The following MYOF variants were observed in gnomAD, a reference collection of about 807,000 sequenced individuals.
The protein encoded by MYOF is myoferlin, also known as fer-1-like 3, myoferlin.
Under a neutral mutation model 284.2 loss-of-function variants are expected in MYOF, and 244 were observed. That is an observed-to-expected ratio of 0.86 (90% CI 0.77 to 0.95). The LOEUF (loss-of-function observed/expected upper bound fraction) is 0.95, where lower values mean the gene tolerates loss of function less well. Among genes scored for constraint, MYOF ranks in the 40% least tolerant of loss-of-function variants. MYOF has a pLI of 0.00. For missense variants in MYOF, 2,496 were observed against 2,560.6 expected, an observed-to-expected ratio of 0.97 and a Z score of 0.54; for synonymous variants, 904 against 919.7, an observed-to-expected ratio of 0.98 and a Z score of 0.31.
At chr10:93,404,641 C>CAAAAAAA (rs34398757) in intron 7 of MYOF, among the ~76,000 whole-genome samples, 1 of 60,910 alleles carries the variant, frequency 1.6e-5, no homozygotes, top group African/African-American at 4.8e-5. Context: ...GAGGCCATCT[C>CAAAAAAA]AAAAAAAAAA....
At chr10:93,326,816 G>C (rs1026992675) in intron 45 of MYOF, among the ~76,000 whole-genome samples, 1 of 151,592 alleles carries the variant, frequency 6.6e-6, no homozygotes, top group African/African-American at 2.4e-5. Flanking sequence ...GTAGAGAGAG[G>C]GTTTCACTAT....
At chr10:93,314,579 A>C (rs1207261559) in intron 50 of MYOF, among the ~76,000 whole-genome samples, 1 of 152,166 alleles carries the variant, frequency 6.6e-6, no homozygotes, top group Non-Finnish European at 1.5e-5. Context: ...TTTTCTCTTT[A>C]AACTGTCAGG....
intron 49 of MYOF, among the ~76,000 whole-genome samples, chr10:93,319,345 G>A (rs1029233527): frequency 2.6e-5 from 4 of 152,146 alleles, no homozygotes; most frequent in African/African-American, 9.7e-5. Context: ...TTGGTAATGT[G>A]AACCAATACA....
intron 53 of MYOF, 46 bp downstream of exon 53, chr10:93,309,974 C>A: frequency 1.2e-6 from 2 of 1,611,422 alleles, no homozygotes; most frequent in Non-Finnish European, 1.7e-6. Context: ...GGACCAACTG[C>A]AACTCACAAG....
chr10:93,343,001 A>G (rs1843994821), intron 38 of MYOF, among the ~76,000 whole-genome samples: 1 of 152,070 alleles, frequency 6.6e-6, no homozygotes, highest in Admixed American at 6.6e-5. Context: ...TGGAGACTAT[A>G]TTTTATATGG....
At chr10:93,435,667 T>A (rs1849086371) in intron 3 of MYOF, among the ~76,000 whole-genome samples, 1 of 152,188 alleles carries the variant, frequency 6.6e-6, no homozygotes, top group Non-Finnish European at 1.5e-5. Context: ...TAATGTTAAA[T>A]ATTTCTTTTC....
At chr10:93,333,993 A>G in intron 41 of MYOF, 80 bp from the exon 42 acceptor site, 1 of 1,439,682 alleles carries the variant, frequency 6.9e-7, no homozygotes, top group South Asian at 1.3e-5. Flanking sequence ...CTCCTCCGCC[A>G]GGGGTGTGGG....
At position 93,389,030 on chromosome 10, in the gene MYOF, C is replaced by T; in HGVS notation, c.1581G>A (p.Lys527=). ...TAACCACCTTAATTGAGAAACCAACCTTTCCAGTATTCAGCTCATCATAGG... is the reference window on the plus strand; with the variant it reads ...TAACCACCTTAATTGAGAAACCAACTTTTCCAGTATTCAGCTCATCATAGG... ...PDPYDELNTG[K]GEGVAYRGRI... Residue 527 remains lysine, a splice_region_variant and synonymous_variant, in exon 18 of 54, where the codon AAG becomes AAA. Transcript: ENST00000359263. 1.2e-6 allele frequency: 2 copies of T among 1,611,224 alleles called. No individual in the cohort carries two copies. Among genetic ancestry groups the T allele is most frequent in the East Asian group, 2.2e-5 (1 of 44,830 alleles).
At chr10:93,310,699 A>T in intron 51 of MYOF, 56 bp from the exon 52 acceptor site, 6 of 1,511,524 alleles carry the variant, frequency 4.0e-6, no homozygotes. Context: ...AAATATTTTT[A>T]CTTCAACCCA....
At chr10:93,393,571 T>C (rs907489523) in intron 16 of MYOF, among the ~76,000 whole-genome samples, 5 of 152,252 alleles carry the variant, frequency 3.3e-5, no homozygotes, top group African/African-American at 1.2e-4. Flanking sequence ...CTAAGCAAAA[T>C]GCTTATGCCA....
intron 53 of MYOF, among the ~76,000 whole-genome samples, chr10:93,307,205 T>C (rs2133685895): frequency 6.6e-6 from 1 of 151,584 alleles, no homozygotes; most frequent in South Asian, 2.1e-4. Context: ...CGCCAAGTTG[T>C]TGCAACCAAA....
At chr10:93,468,514 G>T (rs1376959801) in intron 1 of MYOF, among the ~76,000 whole-genome samples, 1 of 152,210 alleles carries the variant, frequency 6.6e-6, no homozygotes, top group African/African-American at 2.4e-5. Flanking sequence ...CCAAGAGATG[G>T]TATCAAGAGA....
intron 1 of MYOF, among the ~76,000 whole-genome samples, chr10:93,472,843 C>T (rs976945852): frequency 1.3e-5 from 2 of 152,158 alleles, no homozygotes; most frequent in Non-Finnish European, 2.9e-5. Context: ...GGAAATGTCC[C>T]CCAGGACTCT....
intron 16 of MYOF, among the ~76,000 whole-genome samples, chr10:93,394,377 C>T (rs1355779578): frequency 6.7e-6 from 1 of 149,516 alleles, no homozygotes; most frequent in African/African-American, 2.5e-5. Flanking sequence ...GCTGGGATTA[C>T]AGGCATGAGC....
intron 53 of MYOF, among the ~76,000 whole-genome samples, chr10:93,308,958 C>T (rs555977103): frequency 2.0e-5 from 3 of 152,226 alleles, no homozygotes; most frequent in South Asian, 2.1e-4. Flanking sequence ...GTGATTCACC[C>T]GCCTCGGCCT....
intron 42 of MYOF, 92 bp from the exon 43 acceptor site, chr10:93,333,404 TC>T: frequency 9.5e-7 from 1 of 1,047,998 alleles, no homozygotes; most frequent in Non-Finnish European, 1.5e-6. Context: ...CCACACCCAC[TC>T]CCAGCTGATG....
chr10:93,326,410 G>C (rs1193875299), intron 45 of MYOF, among the ~76,000 whole-genome samples: 1 of 151,916 alleles, frequency 6.6e-6, no homozygotes, highest in Non-Finnish European at 1.5e-5. Context: ...TTTTTCTTCT[G>C]GCTGCAAAAA....
At chr10:93,374,987 A>G (rs747438488) in intron 22 of MYOF, 32 bp from the exon 23 acceptor site, 7 of 1,589,034 alleles carry the variant, frequency 4.4e-6, no homozygotes, top group Non-Finnish European at 6.0e-6. Context: ...GAAACAGAGG[A>G]TTTGAAGAAT....
intron 40 of MYOF, among the ~76,000 whole-genome samples, chr10:93,337,232 T>C (rs114303647): frequency 8.6e-4 from 131 of 151,796 alleles, no homozygotes; most frequent in African/African-American, 2.9e-3. Context: ...CTGAAAACTT[T>C]AGCACTGCTT....
Sources: allele counts gnomAD v4.1 joint callset (sites outside exome capture counted in the v4.1 genomes callset), GRCh38; gene constraint gnomAD v4.1.1; transcripts MANE v1.5; gene names NCBI Gene and HGNC (gene_info 2026-07-23, HGNC 2026-07-21).